Variants in TINAG observed in about 807,000 individuals in gnomAD.
The protein encoded by TINAG is tubulointerstitial nephritis antigen.
Under a neutral mutation model 72.7 loss-of-function variants are expected in TINAG, and 83 were observed. The observed-to-expected ratio is 1.14, with a 90% CI of 0.96 to 1.37. The LOEUF (loss-of-function observed/expected upper bound fraction) is 1.37. TINAG is among the 40% of genes most tolerant of loss of function. The pLI is 0.00. For synonymous variants in TINAG, 234 were observed against 189.9 expected, an observed-to-expected ratio of 1.23 and a Z score of -1.91; for missense variants, 685 against 576.6, an observed-to-expected ratio of 1.19 and a Z score of -1.93.
chr6:54,385,130 C>T (rs9395951), intron 10 of TINAG, among the ~76,000 whole-genome samples: 1 of 149,774 alleles, frequency 6.7e-6, no homozygotes, highest in African/African-American at 2.5e-5. Context: ...AAATTTAAAC[C>T]GAAGATAAAT....
chr6:54,360,750 C>T lies in TINAG; in HGVS notation c.1250+6114C>T, dbSNP rs1035669095. ...AAACATTGACTTTTTTTCATCTTGT[C>T]ATCCCTGTTTGTGGAGCAGAATCTT... On this transcript the variant is annotated intron_variant, in intron 9 of 10. Transcript: ENST00000259782. Among the ~76,000 whole-genome samples, 17 of 149,414 alleles carry T rather than the reference C, an allele frequency of 1.1e-4. 1 individual carries two copies. In the South Asian group the frequency reaches 3.0e-3, roughly 26 times the overall value.
In TINAG at chr6:54,389,824, G is replaced by A; in HGVS notation, c.1330G>A (p.Glu444Lys). The stretch of plus-strand genomic sequence containing the variant: ...CAATTCCTGGGGAAAGTCATGGGGA[G>A]AGAATGGCTATTTCAGGATTCTTCG... ...AANSWGKSWG[E>K]NGYFRILRGV... is the part of the protein sequence containing the mutation. The change falls in exon 11 of 11, where the codon GAG (glutamate) becomes AAG (lysine). Residue 444 changes from glutamate (E) to lysine (K), a missense_variant. Glu to Lys is a moderately conservative substitution (Grantham distance 56). Transcript: ENST00000259782. 3 of 1,607,190 alleles carry A rather than the reference G, an allele frequency of 1.9e-6. No homozygotes were observed. Among genetic ancestry groups the A allele is most frequent in the Non-Finnish European group, 2.5e-6 (3 of 1,177,602 alleles).
chr6:54,346,395 TTAA>T (rs764168977), intron 5 of TINAG, among the ~76,000 whole-genome samples: 1 of 151,824 alleles, frequency 6.6e-6, no homozygotes. Context: ...AATAGAAGTT[TTAA>T]TAATAAAAAG....
At chr6:54,366,146 A>T (rs1266073275) in intron 9 of TINAG, among the ~76,000 whole-genome samples, 1 of 151,618 alleles carries the variant, frequency 6.6e-6, no homozygotes, top group African/African-American at 2.4e-5. Flanking sequence ...TTATTATTTC[A>T]TTTTGCCAGA....
chr6:54,340,352 T>C (rs1784967715), intron 4 of TINAG, among the ~76,000 whole-genome samples: 1 of 151,832 alleles, frequency 6.6e-6, no homozygotes, highest in African/African-American at 2.4e-5. Context: ...TTGGAATTTC[T>C]GTCACTATCA....
At chr6:54,372,345 A>G (rs1348363400) in intron 9 of TINAG, among the ~76,000 whole-genome samples, 1 of 152,074 alleles carries the variant, frequency 6.6e-6, no homozygotes, top group Non-Finnish European at 1.5e-5. Flanking sequence ...CCTGTGAAAT[A>G]AAATGTTATT....
At chr6:54,322,130 C>T (rs1784504633) in intron 3 of TINAG, among the ~76,000 whole-genome samples, 1 of 151,934 alleles carries the variant, frequency 6.6e-6, no homozygotes, top group African/African-American at 2.4e-5. Flanking sequence ...ACTAGTGAGA[C>T]CCCATCTCTA....
intron 9 of TINAG, among the ~76,000 whole-genome samples, chr6:54,370,883 G>C (rs185666828): frequency 6.6e-6 from 1 of 151,956 alleles, no homozygotes; most frequent in African/African-American, 2.4e-5. Context: ...GTTTGACACT[G>C]GTCCTTCATT....
intron 1 of TINAG, among the ~76,000 whole-genome samples, chr6:54,313,727 T>C (rs1008919395): frequency 5.3e-5 from 8 of 152,182 alleles, no homozygotes; most frequent in African/African-American, 1.9e-4. Flanking sequence ...TTAAATTTTA[T>C]TTCAAATTTT....
intron 3 of TINAG, among the ~76,000 whole-genome samples, chr6:54,322,722 C>G (rs1486224469): frequency 6.6e-6 from 1 of 152,196 alleles, no homozygotes; most frequent in East Asian, 1.9e-4. Flanking sequence ...ATTCTCAGTT[C>G]CTCTGTGTGT....
intron 9 of TINAG, among the ~76,000 whole-genome samples, chr6:54,377,860 T>C (rs1763826485): frequency 6.6e-6 from 1 of 152,150 alleles, no homozygotes; most frequent in South Asian, 2.1e-4. Flanking sequence ...GTGAATAAAA[T>C]GAGTAGCCTT....
intron 9 of TINAG, among the ~76,000 whole-genome samples, chr6:54,369,607 G>A (rs929539690): frequency 1.1e-4 from 16 of 152,028 alleles, no homozygotes; most frequent in East Asian, 5.8e-4. Flanking sequence ...GGAGCATGGC[G>A]TTGAGTTAGT....
chr6:54,332,318 T>C (rs1784760668), intron 4 of TINAG, among the ~76,000 whole-genome samples: 1 of 151,958 alleles, frequency 6.6e-6, no homozygotes, highest in South Asian at 2.1e-4. Context: ...ACACCACACA[T>C]TTACAACCAT....
intron 9 of TINAG, among the ~76,000 whole-genome samples, chr6:54,356,974 G>A (rs1582736447): frequency 6.7e-6 from 1 of 148,518 alleles, no homozygotes; most frequent in South Asian, 2.1e-4. Flanking sequence ...CTCCATTTAT[G>A]TTCATTCTTT....
chr6:54,381,077 T>C (rs915081272), intron 10 of TINAG, among the ~76,000 whole-genome samples: 4 of 148,550 alleles, frequency 2.7e-5, no homozygotes, highest in African/African-American at 9.9e-5. Context: ...TGTATATATA[T>C]CCTATAGGAT....
chr6:54,355,642 T>G (rs1281246046), intron 9 of TINAG, among the ~76,000 whole-genome samples: 1 of 151,922 alleles, frequency 6.6e-6, no homozygotes, highest in Non-Finnish European at 1.5e-5. Context: ...AAAATACATG[T>G]ATCTTAGGAT....
chr6:54,319,120 T>C (rs908475528), intron 1 of TINAG, among the ~76,000 whole-genome samples: 1 of 152,090 alleles, frequency 6.6e-6, no homozygotes, highest in Non-Finnish European at 1.5e-5. Context: ...CATTTATCCA[T>C]GGAATTCATA....
chr6:54,315,443 G>A (rs1172117574), intron 1 of TINAG, among the ~76,000 whole-genome samples: 1 of 151,944 alleles, frequency 6.6e-6, no homozygotes, highest in Non-Finnish European at 1.5e-5. Context: ...CAAGGTGGGA[G>A]TATCTCTTGA....
chr6:54,381,853 A>C (rs1414568491), intron 10 of TINAG, among the ~76,000 whole-genome samples: 1 of 152,080 alleles, frequency 6.6e-6, no homozygotes, highest in Non-Finnish European at 1.5e-5. Context: ...TAATGTATTT[A>C]ACTCACAACA....
Sources: allele counts gnomAD v4.1 joint callset (sites outside exome capture counted in the v4.1 genomes callset), GRCh38; gene constraint gnomAD v4.1.1; transcripts MANE v1.5; gene names NCBI Gene and HGNC (gene_info 2026-07-23, HGNC 2026-07-21).